The following GRID2IP variants were observed in gnomAD, a reference collection of about 807,000 sequenced individuals.
The protein encoded by GRID2IP is delphilin.
GRID2IP carries 78 observed loss-of-function variants against 114.3 expected under a neutral mutation model. The observed-to-expected ratio is 0.68, with a 90% CI of 0.57 to 0.82. GRID2IP has a LOEUF of 0.82. Ranked by LOEUF, GRID2IP falls within the 40% of genes least tolerant of loss-of-function variation. The pLI is 0.00. For missense variants in GRID2IP, 1,727 were observed against 1,678.5 expected (o/e 1.03, Z -0.51); for synonymous variants, 809 against 724.0 (o/e 1.12, Z -1.89).
chr7:6,508,652 C>T lies in GRID2IP; in HGVS notation c.2128-251G>A, dbSNP rs967775100. Among the ~76,000 whole-genome samples the T allele has an allele frequency of 6.6e-6, 1 of 152,094 alleles. No individual in the cohort carries two copies. Among genetic ancestry groups the T allele is most frequent in the Non-Finnish European group, 1.5e-5 (1 of 68,000 alleles). On this transcript the variant is annotated intron_variant, in intron 12 of 21. Transcript: ENST00000457091. The surrounding 1 kb of genome is among the most constrained non-coding windows in gnomAD (Gnocchi z 5.6). ...AAGCCTCAGGCTGTGAGGGGGATAG[C>T]CTGGAATAAGGACAGGACCCTGTCA... is the stretch of plus-strand genomic sequence containing the variant.
Position 6,508,185 on chromosome 7 carries a change from G to A in GRID2IP, c.2344C>T (p.Gln782Ter). 1 of 1,512,792 alleles carries A rather than the reference G, an allele frequency of 6.6e-7. No individual in the cohort carries two copies. The allele number at this position is 1,512,792 out of a possible 1,614,324, so 93.7% of individuals were successfully genotyped here. ...RSSDGSRGPA[Q>*]ALAKPLTQLS... The stretch of plus-strand genomic sequence containing the variant: ...TGGGTGAGGGGCTTGGCCAGCGCCT[G>A]AGCAGGGCCCCGGGAACCATCAGAG... The change falls in exon 13 of 22, where the codon CAG (glutamine) becomes TAG (stop). Residue 782 changes from glutamine to a stop codon, truncating the protein, a stop_gained. Transcript: ENST00000457091. LOFTEE classifies it high-confidence loss of function. This position sits in a 1 kb window ranked among gnomAD's most constrained non-coding sequence, Gnocchi z 5.6.
At chr7:6,510,569 C>A (rs567967663) in intron 10 of GRID2IP, 40 bp downstream of exon 10, 28 of 1,450,860 alleles carry the variant, frequency 1.9e-5, no homozygotes, top group African/African-American at 2.9e-5. Flanking sequence ...CCATTCCCTG[C>A]CCCCTACTGA....
rs140972344 is a variant in GRID2IP at position 6,503,703 on chromosome 7, G to A, written c.2711-16C>T. The A allele has an allele frequency of 2.9e-3, 4,268 of 1,462,562 alleles. 123 individuals carry two copies. In the African/African-American group the frequency reaches 0.057, roughly 19 times the overall value. The allele number at this position is 1,462,562 out of a possible 1,614,324, so 90.6% of individuals were successfully genotyped here. ...AAGAGGATGGCTGCGGGCGGGGCGGGGCGGTGAGCTGGGCGGGGCCGGAGC... is the reference window on the plus strand; with the variant it reads ...AAGAGGATGGCTGCGGGCGGGGCGGAGCGGTGAGCTGGGCGGGGCCGGAGC... On this transcript the variant is annotated splice_polypyrimidine_tract_variant and intron_variant, in intron 15 of 21. Transcript: ENST00000457091.
chr7:6,521,444 C>G lies in GRID2IP; in HGVS notation c.1069G>C (p.Val357Leu), dbSNP rs753939121. ...GGGGTCTCACCACTGGCAAATGGGACGAGCCCTTCCTCCACCACCAGCGTG... is the reference window on the plus strand; with the variant it reads ...GGGGTCTCACCACTGGCAAATGGGAGGAGCCCTTCCTCCACCACCAGCGTG... Reference protein sequence around the residue: ...MPTLVVEEGLVPFASDSDSLD... With the variant: ...MPTLVVEEGLLPFASDSDSLD... Residue 357 changes from valine (V) to leucine (L), a missense_variant, in exon 6 of 22, where the codon GTC becomes CTC. Transcript: ENST00000457091. This position sits in a 1 kb window ranked among gnomAD's most constrained non-coding sequence, Gnocchi z 4.1. 1.3e-6 allele frequency: 2 copies of G among 1,546,530 alleles called. No individual in the cohort carries two copies. Among genetic ancestry groups the G allele is most frequent in the Non-Finnish European group, 1.7e-6 (2 of 1,144,390 alleles).
Position 6,521,931 on chromosome 7 carries a change from T to C in GRID2IP, c.946A>G (p.Lys316Glu), listed in dbSNP as rs768992075. ...PGSPADNAAL[K>E]SGDRILFLNG... is the part of the protein sequence containing the mutation. ...AGGAAGAGGATCCGGTCACCTGACT[T>C]GAGGGCAGCATTGTCAGCTGGGCTC... The change falls in exon 5 of 22, where the codon AAG becomes GAG. Residue 316 changes from lysine (K) to glutamate (E), a missense_variant. Physicochemically the swap from Lys to Glu is moderately conservative, Grantham distance 56 (BLOSUM62 1). Transcript: ENST00000457091. The surrounding 1 kb of genome is among the most constrained non-coding windows in gnomAD (Gnocchi z 4.1). 4 of 1,551,406 alleles carry C rather than the reference T, an allele frequency of 2.6e-6. No homozygotes were observed. Among genetic ancestry groups the C allele is most frequent in the Non-Finnish European group, 3.5e-6 (4 of 1,146,846 alleles).
In GRID2IP at chr7:6,523,569, AT is replaced by A. The variant is rs933655225; in HGVS notation, c.920-1613del. ...GGGTTGGGAAGAACAGCAGACCTGG[AT>A]TTTTTTTTCTTTTTTTGAGACAGGG... On this transcript the variant is annotated intron_variant, in intron 4 of 21. Transcript: ENST00000457091. The surrounding 1 kb of genome is among the most constrained non-coding windows in gnomAD (Gnocchi z 4.5). Among the ~76,000 whole-genome samples, 6 of 151,436 alleles carry A rather than the reference AT, an allele frequency of 4.0e-5. No individual in the cohort carries two copies. Among genetic ancestry groups the A allele is most frequent in the East Asian group, 1.9e-4 (1 of 5,144 alleles).
At chr7:6,545,775 A>T (rs1386082735) in intron 1 of GRID2IP, among the ~76,000 whole-genome samples, 1 of 152,160 alleles carries the variant, frequency 6.6e-6, no homozygotes, top group Non-Finnish European at 1.5e-5. Flanking sequence ...CTTGCATTGC[A>T]CTTCCTGCAG....
Position 6,537,209 on chromosome 7 carries a change from C to G in GRID2IP, c.584+2509G>C, listed in dbSNP as rs553752225. ...GGAGTCAGGAGACTCCTGGGTCCCT[C>G]CAGGTGAGGACCCACCAGTATTTTT... On this transcript the variant is annotated intron_variant, in intron 2 of 21. Coordinates refer to ENST00000457091, the MANE Select transcript of GRID2IP (RefSeq NM_001145118.2). Among the ~76,000 whole-genome samples the G allele has an allele frequency of 1.6e-4, 25 of 152,062 alleles. 1 individual carries two copies. The East Asian group carries it at 4.5e-3, about 27-fold the overall frequency.
chr7:6,503,533 C>A lies in GRID2IP; in HGVS notation c.2865G>T (p.Glu955Asp). The stretch of plus-strand genomic sequence containing the variant: ...CCGGCTCGCTGAGGCGGCCGGGCGC[C>A]TCGCGGAAGGCCTGGTAGCGCTGCT... The part of the protein sequence containing the change: ...DEEQRYQAFR[E>D]APGRLSEPDQ... The change falls in exon 16 of 22, where the codon GAG (glutamate) becomes GAT (aspartate). Residue 955 changes from glutamate to aspartate, a missense_variant. By Grantham distance (45) the Glu-to-Asp change is conservative. Coordinates refer to ENST00000457091, the MANE Select transcript of GRID2IP (RefSeq NM_001145118.2). 6.5e-7 allele frequency: 1 copy of A among 1,526,752 alleles called. No homozygotes were observed. 94.6% of individuals were successfully genotyped at this position (1,526,752 alleles called of 1,614,324 possible). A position where few individuals can be genotyped will look rare whatever the true frequency, so the allele number is the denominator to read the frequency against.
intron 2 of GRID2IP, among the ~76,000 whole-genome samples, chr7:6,530,814 T>C (rs1038671660): frequency 3.7e-4 from 57 of 152,158 alleles, no homozygotes; most frequent in African/African-American, 1.4e-3. Flanking sequence ...CAGCCTTTTA[T>C]CCCAACACCG....
rs1392680882 is a variant in GRID2IP, at chr7:6,503,702, G to A, written c.2711-15C>T. On this transcript the variant is annotated splice_polypyrimidine_tract_variant and intron_variant, in intron 15 of 21. Transcript: ENST00000457091. ...CAAGAGGATGGCTGCGGGCGGGGCG[G>A]GGCGGTGAGCTGGGCGGGGCCGGAG... is the stretch of plus-strand genomic sequence containing the variant. The A allele has an allele frequency of 6.8e-7, 1 of 1,464,362 alleles. No individual in the cohort carries two copies. The highest frequency in any genetic ancestry group is 9.0e-7 in the Non-Finnish European group (1 of 1,114,052). The allele number at this position is 1,464,362 out of a possible 1,614,324, so 90.7% of individuals were successfully genotyped here. A position where few individuals can be genotyped will look rare whatever the true frequency, so the allele number is the denominator to read the frequency against.
At chr7:6,540,703 T>TTTA (rs957480710) in intron 1 of GRID2IP, among the ~76,000 whole-genome samples, 4 of 146,898 alleles carry the variant, frequency 2.7e-5, no homozygotes, top group African/African-American at 1.0e-4. Context: ...TTTTTTTTTT[T>TTTA]TTTTTTTAGT....
chr7:6,497,646 G>T lies in GRID2IP; in HGVS notation c.*128C>A. 1.6e-6 allele frequency: 1 copy of T among 636,614 alleles called. No homozygotes were observed. Among genetic ancestry groups the T allele is most frequent in the Non-Finnish European group, 2.6e-6 (1 of 380,200 alleles). The allele number at this position is 636,614 out of a possible 1,614,324, so 39.4% of individuals were successfully genotyped here. A position where few individuals can be genotyped will look rare whatever the true frequency, so the allele number is the denominator to read the frequency against. On this transcript the variant is annotated 3_prime_UTR_variant, in exon 22 of 22. Transcript: ENST00000457091. Reference sequence around the variant, plus strand: ...CGACCACAGCTCGGCGGCTGAGGTAGCTGCAGGAGAGGCTGGCGGTGTGCT... The same window carrying T: ...CGACCACAGCTCGGCGGCTGAGGTATCTGCAGGAGAGGCTGGCGGTGTGCT...
At chr7:6,539,991 C>G in intron 1 of GRID2IP, 119 bp from the exon 2 acceptor site, 12 of 794,422 alleles carry the variant, frequency 1.5e-5, no homozygotes, top group Non-Finnish European at 2.2e-5. Context: ...CGTGGGCGTA[C>G]CACCTGAGTG....
chr7:6,520,475 G>C lies in GRID2IP; in HGVS notation c.1268+103C>G. ...CCACCTTCCTGAGCATCCCCCAGGA[G>C]AACGGGACTGAGGAGGTTCAGGCAG... On this transcript the variant is annotated intron_variant, in intron 7 of 21. Coordinates refer to ENST00000457091, the MANE Select transcript of GRID2IP (RefSeq NM_001145118.2). The surrounding 1 kb of genome is among the most constrained non-coding windows in gnomAD (Gnocchi z 4.6). 1.6e-6 allele frequency: 2 copies of C among 1,281,514 alleles called. No individual in the cohort carries two copies. Among genetic ancestry groups the C allele is most frequent in the South Asian group, 1.5e-5 (1 of 67,478 alleles). The allele number at this position is 1,281,514 out of a possible 1,614,324, so 79.4% of individuals were successfully genotyped here.
intron 1 of GRID2IP, among the ~76,000 whole-genome samples, chr7:6,541,141 T>C (rs929492875): frequency 8.5e-5 from 13 of 152,256 alleles, no homozygotes; most frequent in South Asian, 8.3e-4. Flanking sequence ...CACCACGGCC[T>C]CCCAAGGTGC....
Position 6,508,500 on chromosome 7 carries a change from C to G in GRID2IP, c.2128-99G>C. ...ATCATGGGATAGCCTGGGACAAGGA[C>G]AGGGCCATCTCACGGGTTAGCCTCA... On this transcript the variant is annotated intron_variant, in intron 12 of 21. Transcript: ENST00000457091. This position sits in a 1 kb window ranked among gnomAD's most constrained non-coding sequence, Gnocchi z 5.6. 1.3e-6 allele frequency: 2 copies of G among 1,519,386 alleles called. No individual in the cohort carries two copies. Among genetic ancestry groups the G allele is most frequent in the Non-Finnish European group, 1.8e-6 (2 of 1,132,722 alleles). The allele number at this position is 1,519,386 out of a possible 1,614,324, so 94.1% of individuals were successfully genotyped here. A position where few individuals can be genotyped will look rare whatever the true frequency, so the allele number is the denominator to read the frequency against.
Position 6,502,823 on chromosome 7 carries a change from T to C in GRID2IP, c.3113A>G (p.Asn1038Ser). ...NYLNDGQPKT[N>S]KTTGFKINFL... The stretch of plus-strand genomic sequence containing the variant: ...GTTGATCTTGAAGCCCGTAGTCTTG[T>C]TGGTTTTGGGCTGTCCATCGTTGAG... Residue 1038 changes from asparagine (N) to serine (S), a missense_variant, in exon 18 of 22, where the codon AAC becomes AGC. Physicochemically the swap from Asn to Ser is conservative, Grantham distance 46. Transcript: ENST00000457091. The C allele has an allele frequency of 6.4e-7, 1 of 1,551,946 alleles. No individual in the cohort carries two copies. Among genetic ancestry groups the C allele is most frequent in the Non-Finnish European group, 8.7e-7 (1 of 1,146,990 alleles).
In GRID2IP at chr7:6,526,468, C is replaced by A; in HGVS notation, c.833+53G>T. On this transcript the variant is annotated intron_variant, in intron 3 of 21. Coordinates refer to ENST00000457091, the MANE Select transcript of GRID2IP (RefSeq NM_001145118.2). The surrounding 1 kb of genome is among the most constrained non-coding windows in gnomAD (Gnocchi z 7.6). ...ACGCCCTCTCCCCGGGTCTCGGTCC[C>A]GAGCCCACCCGCAGGGAGGCGCCCG... is the stretch of plus-strand genomic sequence containing the variant. 7.1e-7 allele frequency: 1 copy of A among 1,417,150 alleles called. No homozygotes were observed. The highest frequency in any genetic ancestry group is 9.2e-7 in the Non-Finnish European group (1 of 1,085,078). The allele number at this position is 1,417,150 out of a possible 1,614,324, so 87.8% of individuals were successfully genotyped here.
Sources: gnomAD v4.1 joint callset for allele counts (sites outside exome capture counted in the v4.1 genomes callset) on GRCh38, gnomAD v4.1.1 for gene constraint, Gnocchi (gnomAD v3.1) non-coding constraint, MANE v1.5 for transcripts, NCBI Gene and HGNC (gene_info 2026-07-23, HGNC 2026-07-21) for gene names.